Variants in PCYT1B observed in about 807,000 individuals in gnomAD.
PCYT1B encodes the protein choline-phosphate cytidylyltransferase B.
In PCYT1B, 10 loss-of-function variants were observed where a neutral mutation model predicts 26.4. The observed-to-expected ratio is 0.38, with a 90% CI of 0.23 to 0.64. PCYT1B has a LOEUF of 0.64. Ranked by LOEUF, PCYT1B falls within the 30% of genes least tolerant of loss-of-function variation. The probability of loss-of-function intolerance (pLI) is 0.56; values close to 1 mark genes in which losing one functional copy is unlikely to be tolerated. For missense variants in PCYT1B, 161 were observed against 292.7 expected, an observed-to-expected ratio of 0.55 and a Z score of 3.28; for synonymous variants, 131 against 108.4, an observed-to-expected ratio of 1.21 and a Z score of -1.29.
At chrX:24,657,726 C>T (rs771554794) in intron 1 of PCYT1B, among the ~76,000 whole-genome samples, 318 of 112,061 alleles carry the variant, frequency 2.8e-3, no homozygotes, top group African/African-American at 9.8e-3. Context: ...GGATGTACTG[C>T]TGTCTCCCTT....
At chrX:24,596,256 A>G (rs375278770) in intron 3 of PCYT1B, among the ~76,000 whole-genome samples, 1 of 112,015 alleles carries the variant, frequency 8.9e-6, no homozygotes, top group African/African-American at 3.2e-5. Flanking sequence ...TGCATAGAAG[A>G]ATTTTCAAAT....
At chrX:24,621,125 C>T (rs999871569) in intron 1 of PCYT1B, among the ~76,000 whole-genome samples, 11 of 111,897 alleles carry the variant, frequency 9.8e-5, no homozygotes, top group Admixed American at 2.9e-4. Flanking sequence ...GGCTGGCGTT[C>T]GGTCAGGCGC....
chrX:24,622,190 T>C (rs1257412810), intron 1 of PCYT1B, among the ~76,000 whole-genome samples: 2 of 112,247 alleles, frequency 1.8e-5, no homozygotes, highest in Non-Finnish European at 3.8e-5. Context: ...ACAGCCTTGC[T>C]GTCCAGAACA....
At chrX:24,616,080 A>G (rs758062524) in intron 2 of PCYT1B, among the ~76,000 whole-genome samples, 25 of 111,172 alleles carry the variant, frequency 2.2e-4, no homozygotes, top group Non-Finnish European at 4.7e-4. Context: ...CAAAGAGTAC[A>G]GAGCATCACA....
chrX:24,579,199 A>AAAAAAG (rs1555956460), intron 6 of PCYT1B, 117 bp downstream of exon 6: 3 of 469,762 alleles, frequency 6.4e-6, no homozygotes, highest in Non-Finnish European at 1.0e-5. Flanking sequence ...AAAAAAAAAA[A>AAAAAAG]AGAGAGAGAG....
intron 2 of PCYT1B, among the ~76,000 whole-genome samples, chrX:24,610,084 G>A (rs1212005782): frequency 9.1e-6 from 1 of 110,049 alleles, no homozygotes; most frequent in Non-Finnish European, 1.9e-5. Flanking sequence ...GAGATAGACC[G>A]TGTCTCAAAT....
At chrX:24,651,253 C>T (rs184926378), upstream of PCYT1B, among the ~76,000 whole-genome samples, 25 of 107,216 alleles carry the variant, frequency 2.3e-4, no homozygotes, top group African/African-American at 7.5e-4. Context: ...GTCAAGAGAT[C>T]GAGACCATCC....
rs536408085 is a variant in PCYT1B at position 24,613,716 on chromosome X, G to A, written c.217+5269C>T. Among the ~76,000 whole-genome samples, 4 of 110,575 alleles carry A rather than the reference G, an allele frequency of 3.6e-5. No individual in the cohort carries two copies. In the South Asian group the frequency reaches 1.6e-3, roughly 43 times the overall value. ...GCCTGTAATCCCAGCACTTTGGGAA[G>A]CTAAGGTGGATAGATGGCTCGAGCC... On this transcript the variant is annotated intron_variant, in intron 2 of 7. Transcript: ENST00000379144.
intron 3 of PCYT1B, among the ~76,000 whole-genome samples, chrX:24,606,933 T>C: frequency 8.9e-6 from 1 of 112,003 alleles, no homozygotes; most frequent in Non-Finnish European, 1.9e-5. Flanking sequence ...TAAAAAACAG[T>C]TATGTAGTCT....
chrX:24,621,859 T>C, intron 1 of PCYT1B: 1 of 734,226 alleles, frequency 1.4e-6, no homozygotes, highest in Non-Finnish European at 1.6e-6. Flanking sequence ...TTTCCAAGAA[T>C]GGTGTGTTCT....
intron 2 of PCYT1B, among the ~76,000 whole-genome samples, chrX:24,614,159 G>A (rs1053540779): frequency 9.0e-6 from 1 of 110,687 alleles, no homozygotes; most frequent in Non-Finnish European, 1.9e-5. Context: ...AAGACCAAAG[G>A]TGCCGATTCT....
At chrX:24,641,760 T>C (rs73626824) in intron 1 of PCYT1B, among the ~76,000 whole-genome samples, 258 of 112,369 alleles carry the variant, frequency 2.3e-3, no homozygotes, top group African/African-American at 8.0e-3. Context: ...CAAAATTAAT[T>C]TCACCTTTTT....
chrX:24,609,313 G>A (rs776423916), intron 2 of PCYT1B, among the ~76,000 whole-genome samples: 1 of 111,506 alleles, frequency 9.0e-6, no homozygotes, highest in South Asian at 3.8e-4. Flanking sequence ...TGGGATTACA[G>A]GCACTCAGCA....
At chrX:24,623,892 A>G (rs1208574495) in intron 1 of PCYT1B, among the ~76,000 whole-genome samples, 1 of 110,555 alleles carries the variant, frequency 9.0e-6, no homozygotes, top group East Asian at 2.8e-4. Context: ...AAGCTAATCA[A>G]CCAATCAGAA....
At chrX:24,666,055 G>A (rs1204618735) in intron 1 of PCYT1B, among the ~76,000 whole-genome samples, 2 of 110,903 alleles carry the variant, frequency 1.8e-5, no homozygotes, top group Non-Finnish European at 3.8e-5. Context: ...TGTGTTGCTG[G>A]TGTTAATGAT....
At chrX:24,574,739 C>T (rs745980180) in intron 7 of PCYT1B, among the ~76,000 whole-genome samples, 1 of 112,040 alleles carries the variant, frequency 8.9e-6, no homozygotes, top group Non-Finnish European at 1.9e-5. Flanking sequence ...TCCCATGATC[C>T]ATGTCTTGTA....
intron 2 of PCYT1B, among the ~76,000 whole-genome samples, chrX:24,617,332 G>A (rs943113042): frequency 1.0e-5 from 1 of 99,880 alleles, no homozygotes; most frequent in African/African-American, 3.6e-5. Context: ...TAAGCAAACT[G>A]TTCTTCATTC....
intron 3 of PCYT1B, among the ~76,000 whole-genome samples, chrX:24,591,064 A>T (rs1924548456): frequency 9.0e-6 from 1 of 110,791 alleles, no homozygotes; most frequent in Admixed American, 9.6e-5. Context: ...AAGTGCTGGG[A>T]TTATAGGCGT....
chrX:24,579,941 G>A (rs1339034034), intron 5 of PCYT1B, among the ~76,000 whole-genome samples: 2 of 112,003 alleles, frequency 1.8e-5, no homozygotes, highest in Admixed American at 9.5e-5. Context: ...TTCGAAGGCC[G>A]AGGCAGGCAG....
Sources: gnomAD v4.1 joint callset for allele counts (sites outside exome capture counted in the v4.1 genomes callset) on GRCh38, gnomAD v4.1.1 for gene constraint, MANE v1.5 for transcripts, NCBI Gene and HGNC (gene_info 2026-07-23, HGNC 2026-07-21) for gene names.